SYN2: variants seen among roughly 807,000 people sequenced by gnomAD.
SYN2 encodes the protein synapsin-2.
In SYN2, 19 loss-of-function variants were observed where a neutral mutation model predicts 50.9. The ratio of observed to expected loss-of-function variants is 0.37; its 90% CI spans 0.26 to 0.55. The LOEUF is 0.55. Among genes scored for constraint, SYN2 ranks in the 20% least tolerant of loss-of-function variants. The probability of loss-of-function intolerance (pLI) is 0.81; values close to 1 mark genes in which losing one functional copy is unlikely to be tolerated. For synonymous variants in SYN2, 255 were observed against 224.9 expected (o/e 1.13, Z -1.20); for missense variants, 587 against 576.4 (o/e 1.02, Z -0.19).
rs17036051 is a variant in SYN2, at chr3:12,183,226, C to T, written c.1309-86C>T. On this transcript the variant is annotated intron_variant, in intron 10 of 12. Coordinates refer to ENST00000621198, the MANE Select transcript of SYN2 (RefSeq NM_133625.6). ...CACCAGGTCCCACCGGATTCCACTG[C>T]GGCCTTGCCATGGAGCCACGTGGTT... 7.0e-3 allele frequency: 10,572 copies of T among 1,501,410 alleles called. 543 individuals are homozygous for T. In the African/African-American group the frequency reaches 0.12, roughly 17 times the overall value. The allele number at this position is 1,501,410 out of a possible 1,614,324, so 93.0% of individuals were successfully genotyped here. A position where few individuals can be genotyped will look rare whatever the true frequency, so the allele number is the denominator to read the frequency against.
At chr3:12,032,376 G>T (rs1288094618) in intron 1 of SYN2, among the ~76,000 whole-genome samples, 17 of 49,298 alleles carry the variant, frequency 3.4e-4, no homozygotes, top group Admixed American at 3.0e-4. Flanking sequence ...TGCTCTTCTC[G>T]AGGAGTATCT....
intron 1 of SYN2, among the ~76,000 whole-genome samples, chr3:12,096,362 G>T (rs964376204): frequency 6.6e-6 from 1 of 152,146 alleles, no homozygotes; most frequent in African/African-American, 2.4e-5. Context: ...GGCTCCTTCA[G>T]AGTATTACAG....
At chr3:12,154,504 C>T (rs1697399294) in intron 5 of SYN2, 2 of 1,600,758 alleles carry the variant, frequency 1.2e-6, no homozygotes, top group Admixed American at 1.7e-5. Flanking sequence ...TCCTGGAGCC[C>T]CAGGGGCCCA....
chr3:12,057,718 G>A (rs1695025292), intron 1 of SYN2, among the ~76,000 whole-genome samples: 1 of 151,998 alleles, frequency 6.6e-6, no homozygotes, highest in South Asian at 2.1e-4. Flanking sequence ...AATCTCTATA[G>A]CTTTCTGCTT....
chr3:12,131,325 C>T (rs1419571524), intron 1 of SYN2, among the ~76,000 whole-genome samples: 2 of 152,212 alleles, frequency 1.3e-5, no homozygotes, highest in Admixed American at 1.3e-4. Context: ...TGGGAACCTG[C>T]AGCTCTGGTG....
At chr3:12,013,851 A>G (rs923551248) in intron 1 of SYN2, among the ~76,000 whole-genome samples, 2 of 151,958 alleles carry the variant, frequency 1.3e-5, no homozygotes, top group African/African-American at 4.8e-5. Flanking sequence ...AATTATTTCC[A>G]TGTCCAGACT....
chr3:12,136,425 G>T (rs748100093), intron 1 of SYN2, among the ~76,000 whole-genome samples: 2 of 152,228 alleles, frequency 1.3e-5, no homozygotes, highest in East Asian at 1.9e-4. Context: ...ACTCAGAGAC[G>T]CATTATTTGC....
intron 10 of SYN2, among the ~76,000 whole-genome samples, chr3:12,173,114 C>T (rs1363218899): frequency 6.6e-6 from 1 of 152,170 alleles, no homozygotes. Context: ...TTCTGGTAAC[C>T]TCTATTAGCT....
At chr3:12,071,159 G>C in intron 1 of SYN2, 1 of 553,410 alleles carries the variant, frequency 1.8e-6, no homozygotes, top group Non-Finnish European at 3.7e-6. Context: ...ATGTACCCGG[G>C]CATCACCAAC....
intron 1 of SYN2, among the ~76,000 whole-genome samples, chr3:12,127,059 C>G (rs1310952093): frequency 6.6e-6 from 1 of 152,122 alleles, no homozygotes; most frequent in Non-Finnish European, 1.5e-5. Context: ...TTTTGAAAGG[C>G]TTATAGAATA....
At chr3:12,087,248 G>C (rs971011046) in intron 1 of SYN2, among the ~76,000 whole-genome samples, 1 of 152,182 alleles carries the variant, frequency 6.6e-6, no homozygotes, top group African/African-American at 2.4e-5. Context: ...TGTGTTCATG[G>C]ATTGGAGACA....
chr3:12,073,921 A>G (rs912243873), intron 1 of SYN2, among the ~76,000 whole-genome samples: 2 of 152,176 alleles, frequency 1.3e-5, no homozygotes, highest in Admixed American at 6.5e-5. Flanking sequence ...TAATCTATCA[A>G]TTATCTAGAG....
chr3:12,074,541 C>G (rs576190594), intron 1 of SYN2, among the ~76,000 whole-genome samples: 119 of 152,182 alleles, frequency 7.8e-4, no homozygotes, highest in African/African-American at 2.7e-3. Context: ...CAGTCAAATT[C>G]TTTATTCTTC....
intron 1 of SYN2, among the ~76,000 whole-genome samples, chr3:12,063,803 C>G (rs1302781090): frequency 6.6e-6 from 1 of 151,758 alleles, no homozygotes; most frequent in African/African-American, 2.4e-5. Context: ...TAATAAATAT[C>G]CATAGGTCCA....
intron 1 of SYN2, among the ~76,000 whole-genome samples, chr3:12,120,422 T>C (rs975188733): frequency 4.6e-5 from 7 of 152,208 alleles, no homozygotes; most frequent in African/African-American, 1.2e-4. Context: ...CCTCTTGTTA[T>C]TGTTTTTCTC....
chr3:12,158,659 C>G, intron 5 of SYN2: 2 of 1,605,368 alleles, frequency 1.2e-6, no homozygotes, highest in Non-Finnish European at 1.7e-6. Flanking sequence ...ACTAATCCCC[C>G]ACAACCACCC....
intron 3 of SYN2, among the ~76,000 whole-genome samples, chr3:12,144,019 C>T (rs1472234022): frequency 6.6e-6 from 1 of 152,168 alleles, no homozygotes; most frequent in African/African-American, 2.4e-5. Context: ...CGGATGGCTG[C>T]CTGGGCAGAG....
At chr3:12,006,771 G>C (rs1693809314) in intron 1 of SYN2, among the ~76,000 whole-genome samples, 1 of 152,188 alleles carries the variant, frequency 6.6e-6, no homozygotes, top group African/African-American at 2.4e-5. Flanking sequence ...ACATGAAACA[G>C]TTAAAAAGAA....
intron 5 of SYN2, chr3:12,153,136 C>A: frequency 3.3e-6 from 1 of 305,264 alleles, no homozygotes; most frequent in Non-Finnish European, 6.4e-6. Flanking sequence ...TACTGTACAT[C>A]GCAAGGATAT....
Sources: allele counts gnomAD v4.1 joint callset (sites outside exome capture counted in the v4.1 genomes callset), GRCh38; gene constraint gnomAD v4.1.1; transcripts MANE v1.5; gene names NCBI Gene and HGNC (gene_info 2026-07-23, HGNC 2026-07-21).